WDFY3: variants seen among roughly 807,000 people sequenced by gnomAD.
The protein encoded by WDFY3 is WD repeat and FYVE domain-containing protein 3.
WDFY3 carries 66 observed loss-of-function variants against 409.6 expected under a neutral mutation model. The ratio of observed to expected loss-of-function variants is 0.16; its 90% CI spans 0.13 to 0.20. WDFY3 has a LOEUF of 0.20. WDFY3 is among the 10% of genes least tolerant of loss of function. WDFY3 has a pLI of 1.00. For missense variants in WDFY3, 3,031 were observed against 4,298.1 expected (o/e 0.71, Z 8.24); for synonymous variants, 1,521 against 1,537.1 (o/e 0.99, Z 0.25).
chr4:84,845,648 T>A (rs568972795), intron 5 of WDFY3, among the ~76,000 whole-genome samples: 1 of 152,276 alleles, frequency 6.6e-6, no homozygotes, highest in East Asian at 1.9e-4. Flanking sequence ...TGATTTAGGA[T>A]ATACTTAGGC....
chr4:84,682,553 T>A (rs2148785207), intron 63 of WDFY3, 83 bp from the exon 64 acceptor site: 1 of 1,088,924 alleles, frequency 9.2e-7, no homozygotes, highest in East Asian at 2.5e-5. Flanking sequence ...AGAGAGACTG[T>A]CAGGGTTAAC....
intron 1 of WDFY3, among the ~76,000 whole-genome samples, chr4:84,943,523 G>T (rs1481095859): frequency 6.6e-6 from 1 of 151,936 alleles, no homozygotes; most frequent in Non-Finnish European, 1.5e-5. Flanking sequence ...AAAGAATACA[G>T]TATATAATAC....
At chr4:84,744,904 T>C (rs1051527276) in intron 36 of WDFY3, among the ~76,000 whole-genome samples, 1 of 81,908 alleles carries the variant, frequency 1.2e-5, no homozygotes, top group African/African-American at 4.7e-5. Context: ...AAAAACACAA[T>C]AGATTGTCAG....
intron 36 of WDFY3, among the ~76,000 whole-genome samples, chr4:84,746,659 T>C (rs1739501782): frequency 6.6e-6 from 1 of 152,034 alleles, no homozygotes; most frequent in Admixed American, 6.6e-5. Context: ...TGTATAGCAG[T>C]CTAACTTTTC....
intron 2 of WDFY3, among the ~76,000 whole-genome samples, chr4:84,925,874 T>C (rs779299438): frequency 6.6e-6 from 1 of 151,984 alleles, no homozygotes; most frequent in Non-Finnish European, 1.5e-5. Flanking sequence ...TGGCAAAATG[T>C]TGGTAATTAT....
At chr4:84,958,075 T>C (rs1324178253) in intron 1 of WDFY3, among the ~76,000 whole-genome samples, 1 of 152,248 alleles carries the variant, frequency 6.6e-6, no homozygotes, top group African/African-American at 2.4e-5. Context: ...GTATTTGGCA[T>C]TTCTTGCGCA....
chr4:84,688,279 C>G lies in WDFY3; in HGVS notation c.9364-14G>C. On this transcript the variant is annotated splice_polypyrimidine_tract_variant and intron_variant, in intron 61 of 67. Transcript: ENST00000295888. Reference sequence around the variant, plus strand: ...GCCCAGTAAGGCCTACGAATGAGAACAAACAAACAAAATCAGGTTGATCTC... The same window carrying G: ...GCCCAGTAAGGCCTACGAATGAGAAGAAACAAACAAAATCAGGTTGATCTC... 1 of 1,608,038 alleles carries G rather than the reference C, an allele frequency of 6.2e-7. No homozygotes were observed. Among genetic ancestry groups the G allele is most frequent in the South Asian group, 1.1e-5 (1 of 90,122 alleles).
chr4:84,794,179 G>T (rs1360029553), intron 21 of WDFY3, among the ~76,000 whole-genome samples: 18 of 152,124 alleles, frequency 1.2e-4, no homozygotes. Context: ...GCAGGCAGGT[G>T]CTCAATGAAT....
rs1775759013 is a variant in WDFY3 at position 84,966,346 on chromosome 4, G to C, written c.-363C>G. 6.7e-6 allele frequency: 1 copy of C among 149,476 alleles called. No homozygotes were observed. The allele number at this position is 149,476 out of a possible 1,614,324, so 9.3% of individuals were successfully genotyped here. ...GTCCGCGGCGGGGCCCGGGAGCCCC[G>C]CGCCGCGGGCCGGGGGCCGGGGCCC... On this transcript the variant is annotated 5_prime_UTR_variant, in exon 1 of 68. Coordinates refer to ENST00000295888, the MANE Select transcript of WDFY3 (RefSeq NM_014991.6).
intron 2 of WDFY3, among the ~76,000 whole-genome samples, chr4:84,923,020 T>C (rs529831169): frequency 6.6e-6 from 1 of 152,212 alleles, no homozygotes; most frequent in Non-Finnish European, 1.5e-5. Flanking sequence ...TCTTTGAACT[T>C]AGAAAAGCAG....
At chr4:84,948,494 T>C (rs1353074712) in intron 1 of WDFY3, among the ~76,000 whole-genome samples, 1 of 152,228 alleles carries the variant, frequency 6.6e-6, no homozygotes, top group Non-Finnish European at 1.5e-5. Flanking sequence ...GCTCTCCAAG[T>C]GCCTGGCTTC....
chr4:84,679,052 G>A lies in WDFY3; in HGVS notation c.10014C>T (p.Leu3338=). 6.2e-7 allele frequency: 1 copy of A among 1,614,216 alleles called. No individual in the cohort carries two copies. The highest frequency in any genetic ancestry group is 8.5e-7 in the Non-Finnish European group (1 of 1,180,052). ...TGAAGCCGTCTTTCTCATCTAGACT[G>A]AGCTGGTCGGACCAGCGTCTGGAGT... ...SDDSRRWSDQ[L]SLDEKDGFIF... Residue 3338 remains leucine (L), a synonymous_variant, in exon 65 of 68, where the codon CTC becomes CTT. Transcript: ENST00000295888.
At chr4:84,691,565 A>G in intron 60 of WDFY3, 66 bp downstream of exon 60, 6 of 1,520,898 alleles carry the variant, frequency 3.9e-6, no homozygotes, top group Non-Finnish European at 5.4e-6. Context: ...CAACCCTATT[A>G]GTCATATAGG....
At position 84,783,086 on chromosome 4, in the gene WDFY3, G is replaced by A. The variant is rs1746854534; in HGVS notation, c.4063-12C>T. ...GAGGAAATGCCTAACTGAAAAATAGGAAAGGAAAAGAATGTAATTATATAA... is the reference window on the plus strand; with the variant it reads ...GAGGAAATGCCTAACTGAAAAATAGAAAAGGAAAAGAATGTAATTATATAA... On this transcript the variant is annotated splice_polypyrimidine_tract_variant and intron_variant, in intron 24 of 67. Transcript: ENST00000295888. The A allele has an allele frequency of 1.2e-6, 2 of 1,603,302 alleles. No homozygotes were observed. Among genetic ancestry groups the A allele is most frequent in the Non-Finnish European group, 1.7e-6 (2 of 1,171,448 alleles).
intron 30 of WDFY3, among the ~76,000 whole-genome samples, chr4:84,767,672 A>G (rs940711451): frequency 1.3e-5 from 2 of 152,140 alleles, no homozygotes; most frequent in African/African-American, 4.8e-5. Context: ...AGAAAGTTTT[A>G]CTGGTCTAGA....
At chr4:84,830,491 G>A (rs113060028) in intron 8 of WDFY3, among the ~76,000 whole-genome samples, 9 of 152,234 alleles carry the variant, frequency 5.9e-5, no homozygotes, top group South Asian at 2.1e-4. Flanking sequence ...TATTAAATGC[G>A]TTTTCGACTT....
chr4:84,908,193 A>G (rs1355636055), intron 2 of WDFY3, among the ~76,000 whole-genome samples: 1 of 152,214 alleles, frequency 6.6e-6, no homozygotes, highest in Non-Finnish European at 1.5e-5. Flanking sequence ...AACGGCTCCA[A>G]AGGGCCTCCT....
In WDFY3 at chr4:84,741,942, A is replaced by C. The variant is rs780647114; in HGVS notation, c.6074-21T>G. On this transcript the variant is annotated intron_variant, in intron 37 of 67. Coordinates refer to ENST00000295888, the MANE Select transcript of WDFY3 (RefSeq NM_014991.6). Reference sequence around the variant, plus strand: ...TTCCCCTAAATTCCAGTAGGAAAAAAAGTCTAAGAAAATTGATATCTACCA... The same window carrying C: ...TTCCCCTAAATTCCAGTAGGAAAAACAGTCTAAGAAAATTGATATCTACCA... 1.2e-5 allele frequency: 18 copies of C among 1,560,480 alleles called. No individual in the cohort carries two copies. In the South Asian group the frequency reaches 2.1e-4, roughly 18 times the overall value.
chr4:84,952,867 A>T (rs937497352), intron 1 of WDFY3, among the ~76,000 whole-genome samples: 3 of 152,198 alleles, frequency 2.0e-5, no homozygotes, highest in Non-Finnish European at 2.9e-5. Flanking sequence ...TATGGAAAAT[A>T]GTATGGAGGG....
Sources: gnomAD v4.1 joint callset for allele counts (sites outside exome capture counted in the v4.1 genomes callset) on GRCh38, gnomAD v4.1.1 for gene constraint, MANE v1.5 for transcripts, NCBI Gene and HGNC (gene_info 2026-07-23, HGNC 2026-07-21) for gene names.